Variants in EPHA8 observed in about 807,000 individuals in gnomAD.
EPHA8 encodes the protein ephrin type-A receptor 8.
A neutral mutation model predicts 103.6 loss-of-function variants in EPHA8; 58 were observed. The ratio of observed to expected loss-of-function variants is 0.56; its 90% CI spans 0.45 to 0.70. The LOEUF is 0.70. EPHA8 is among the 30% of genes least tolerant of loss of function. The probability of loss-of-function intolerance (pLI) is 0.00; values close to 1 mark genes in which losing one functional copy is unlikely to be tolerated. For synonymous variants in EPHA8, 559 were observed against 572.5 expected, an observed-to-expected ratio of 0.98 and a Z score of 0.34; for missense variants, 1,304 against 1,395.2, an observed-to-expected ratio of 0.93 and a Z score of 1.04.
In EPHA8 at chr1:22,597,342, A is replaced by AC; in HGVS notation, c.1802dup (p.Leu604AlafsTer31). 4 of 1,590,230 alleles carry AC rather than the reference A, an allele frequency of 2.5e-6. No homozygotes were observed. The highest frequency in any genetic ancestry group is 1.4e-5 in the African/African-American group (1 of 72,272). ...CCACCTGTCTTCCTGCCTCTGCATC[A>AC]CCCCCCGGGAAAGCTCCCAGAGCCC... On this transcript the variant is annotated frameshift_variant, in exon 10 of 17. Coordinates refer to ENST00000166244, the MANE Select transcript of EPHA8 (RefSeq NM_020526.5). LOFTEE classifies it high-confidence loss of function. The surrounding 1 kb of genome is among the most constrained non-coding windows in gnomAD (Gnocchi z 4.6).
rs1005594042 is a variant in EPHA8, at chr1:22,598,291, C to T, written c.2178+79C>T. On this transcript the variant is annotated intron_variant, in intron 12 of 16. Transcript: ENST00000166244. The surrounding 1 kb of genome is among the most constrained non-coding windows in gnomAD (Gnocchi z 5.1). ...GGGTGCTGGGAGATAGTGCAAAGCC[C>T]TCTAAGCCCCCTCCCTGGCTTGGAC... 7.1e-7 allele frequency: 1 copy of T among 1,412,852 alleles called. No homozygotes were observed. The highest frequency in any genetic ancestry group is 1.4e-5 in the African/African-American group (1 of 70,376). 87.5% of individuals were successfully genotyped at this position (1,412,852 alleles called of 1,614,324 possible).
rs1206811855 is a variant in EPHA8, at chr1:22,594,559, G to A, written c.1604-671G>A. Among the ~76,000 whole-genome samples the A allele has an allele frequency of 9.2e-5, 14 of 152,350 alleles. No individual in the cohort carries two copies. The East Asian group carries it at 2.7e-3, about 29-fold the overall frequency. Reference sequence around the variant, plus strand: ...TTTGGGACCCTCTGACTTCGAGGCTGTCCCTTTCACTCTCCTCCTGCCCCA... The same window carrying A: ...TTTGGGACCCTCTGACTTCGAGGCTATCCCTTTCACTCTCCTCCTGCCCCA... On this transcript the variant is annotated intron_variant, in intron 7 of 16. Transcript: ENST00000166244.
Position 22,588,988 on chromosome 1 carries a change from G to A in EPHA8, c.1097G>A (p.Cys366Tyr). The A allele has an allele frequency of 6.2e-7, 1 of 1,613,130 alleles. No individual in the cohort carries two copies. Among genetic ancestry groups the A allele is most frequent in the Non-Finnish European group, 8.5e-7 (1 of 1,179,706 alleles). Residue 366 changes from cysteine (C) to tyrosine (Y), a missense_variant, in exon 5 of 17, where the codon TGC (cysteine) becomes TAC (tyrosine). Cys to Tyr is a radical substitution (Grantham distance 194, BLOSUM62 -2). Transcript: ENST00000166244. ...AGTGACATCACCTACAATGCCGTGT[G>A]CCGCCGCTGCCCCTGGGCACTGAGC... ...GRSDITYNAV[C>Y]RRCPWALSRC...
intron 4 of EPHA8, among the ~76,000 whole-genome samples, chr1:22,587,235 ATG>A (rs1176984788): frequency 1.3e-5 from 2 of 152,334 alleles, no homozygotes; most frequent in Non-Finnish European, 2.9e-5. Context: ...CTGCATGTAA[ATG>A]TGTGACGTGT....
chr1:22,590,955 C>G (rs886602889), intron 5 of EPHA8, among the ~76,000 whole-genome samples: 1 of 151,946 alleles, frequency 6.6e-6, no homozygotes, highest in Non-Finnish European at 1.5e-5. Context: ...ATCCATCCCC[C>G]CCTAAAGCCC....
rs369841248 is a variant in EPHA8 at position 22,574,098 on chromosome 1, C to T, written c.160-2119C>T. The stretch of plus-strand genomic sequence containing the variant: ...GGTTCACGCCATTCTCCTGCCTCAG[C>T]CTCCTGAGTAGCTGGGACTACAGGC... On this transcript the variant is annotated intron_variant, in intron 2 of 16. Coordinates refer to ENST00000166244, the MANE Select transcript of EPHA8 (RefSeq NM_020526.5). Among the ~76,000 whole-genome samples the T allele has an allele frequency of 5.9e-5, 9 of 152,356 alleles. No individual in the cohort carries two copies. In the South Asian group the frequency reaches 1.9e-3, roughly 32 times the overall value.
At chr1:22,585,967 C>T (rs1641192279) in intron 3 of EPHA8, among the ~76,000 whole-genome samples, 1 of 151,960 alleles carries the variant, frequency 6.6e-6, no homozygotes, top group African/African-American at 2.4e-5. Flanking sequence ...TACCAGGTGT[C>T]CCCCCCCTTT....
At chr1:22,585,341 A>G (rs567711) in intron 3 of EPHA8, among the ~76,000 whole-genome samples, 50,112 of 152,128 alleles carry the variant, frequency 0.33, 10,623 homozygotes, top group African/African-American at 0.61. Flanking sequence ...CCTGTGAGGC[A>G]TGAAACAGGC....
In EPHA8 at chr1:22,564,059, G is replaced by A. The variant is rs1312543828; in HGVS notation, c.94+330G>A. 3.3e-5 allele frequency among the ~76,000 whole-genome samples: 5 copies of A among 151,666 alleles called. No homozygotes were observed. In the East Asian group the frequency reaches 9.8e-4, roughly 30 times the overall value. On this transcript the variant is annotated intron_variant, in intron 1 of 16. Coordinates refer to ENST00000166244, the MANE Select transcript of EPHA8 (RefSeq NM_020526.5). ...GACAAGGGGACAGGACTGGACAGAA[G>A]ACAAGAGAAGAGGTAAGGAGGAGAG...
At chr1:22,601,251 C>G (rs1315958213) in intron 15 of EPHA8, 49 bp from the exon 16 acceptor site, 2 of 1,556,684 alleles carry the variant, frequency 1.3e-6, no homozygotes, top group Non-Finnish European at 1.7e-6. Flanking sequence ...TTCTGGGGGT[C>G]CAGCCTCCCG....
At chr1:22,575,250 CTTATTA>C (rs5773011) in intron 2 of EPHA8, among the ~76,000 whole-genome samples, 26,876 of 152,006 alleles carry the variant, frequency 0.18, 2,606 homozygotes, top group African/African-American at 0.27. Context: ...CGCACCTGGC[CTTATTA>C]TTATTGTTTT....
intron 3 of EPHA8, among the ~76,000 whole-genome samples, chr1:22,580,382 G>T (rs946252936): frequency 2.0e-5 from 3 of 151,772 alleles, no homozygotes; most frequent in African/African-American, 4.8e-5. Context: ...CAAGTGATCC[G>T]CCTGCCTCGG....
At chr1:22,565,742 C>T (rs1640340444) in intron 1 of EPHA8, among the ~76,000 whole-genome samples, 2 of 152,136 alleles carry the variant, frequency 1.3e-5, no homozygotes. Flanking sequence ...TGGGGGCCAG[C>T]AGCTGAGGAA....
rs756103809 is a variant in EPHA8, at chr1:22,586,677, CTG to C, written c.979+43_979+44del. 1.9e-6 allele frequency: 3 copies of C among 1,601,840 alleles called. No homozygotes were observed. In the African/African-American group the frequency reaches 4.0e-5, roughly 21 times the overall value. The stretch of plus-strand genomic sequence containing the variant: ...GATGCCAGTACCCTTGAGCCCAAGA[CTG>C]GGCCGGGCCCCTGTGTTTGGTCCTC... On this transcript the variant is annotated intron_variant, in intron 4 of 16. Transcript: ENST00000166244.
chr1:22,598,632 C>T lies in EPHA8; in HGVS notation c.2179-206C>T, dbSNP rs1641588738. Among the ~76,000 whole-genome samples the T allele has an allele frequency of 1.3e-5, 2 of 152,174 alleles. No individual in the cohort carries two copies. ...AAATGGGTAAGCAGTCATTGCTGCC[C>T]CACGTACCTCGCAGGGTTGCTGTGA... On this transcript the variant is annotated intron_variant, in intron 12 of 16. Coordinates refer to ENST00000166244, the MANE Select transcript of EPHA8 (RefSeq NM_020526.5). This position sits in a 1 kb window ranked among gnomAD's most constrained non-coding sequence, Gnocchi z 5.1.
rs749956226 is a variant in EPHA8 at position 22,569,395 on chromosome 1, CAG to C, written c.159+49_159+50del. On this transcript the variant is annotated intron_variant, in intron 2 of 16. Transcript: ENST00000166244. This position sits in a 1 kb window ranked among gnomAD's most constrained non-coding sequence, Gnocchi z 4.5. ...GGGGACAACGTCATCCCTCTGTGAG[CAG>C]AGAGAGGCTGCCACTCACAGAGTCT... 1 of 1,535,896 alleles carries C rather than the reference CAG, an allele frequency of 6.5e-7. No homozygotes were observed. Among genetic ancestry groups the C allele is most frequent in the Non-Finnish European group, 8.8e-7 (1 of 1,139,378 alleles).
At position 22,597,291 on chromosome 1, in the gene EPHA8, G is replaced by A; in HGVS notation, c.1766-21G>A. 6.3e-7 allele frequency: 1 copy of A among 1,580,006 alleles called. No individual in the cohort carries two copies. The highest frequency in any genetic ancestry group is 8.7e-7 in the Non-Finnish European group (1 of 1,155,328). Reference sequence around the variant, plus strand: ...GCAATCTCTCCTGGGCCCCACTGAAGGCCCTCCTCCCGCCCCTCAGCACCC... The same window carrying A: ...GCAATCTCTCCTGGGCCCCACTGAAAGCCCTCCTCCCGCCCCTCAGCACCC... On this transcript the variant is annotated intron_variant, in intron 9 of 16. Coordinates refer to ENST00000166244, the MANE Select transcript of EPHA8 (RefSeq NM_020526.5). The surrounding 1 kb of genome is among the most constrained non-coding windows in gnomAD (Gnocchi z 4.6).
rs1420246318 is a variant in EPHA8, at chr1:22,598,717, AC to A, written c.2179-120del. 1.0e-6 allele frequency: 1 copy of A among 973,478 alleles called. No individual in the cohort carries two copies. Among genetic ancestry groups the A allele is most frequent in the Non-Finnish European group, 1.5e-6 (1 of 653,372 alleles). The allele number at this position is 973,478 out of a possible 1,614,324, so 60.3% of individuals were successfully genotyped here. A position where few individuals can be genotyped will look rare whatever the true frequency, so the allele number is the denominator to read the frequency against. On this transcript the variant is annotated intron_variant, in intron 12 of 16. Coordinates refer to ENST00000166244, the MANE Select transcript of EPHA8 (RefSeq NM_020526.5). The surrounding 1 kb of genome is among the most constrained non-coding windows in gnomAD (Gnocchi z 5.1). ...CAAAGTGCTTCAGAAGTAGTGGCGC[AC>A]TTGGCAAATTGCAAAGCACCGTCTC...
intron 3 of EPHA8, among the ~76,000 whole-genome samples, chr1:22,578,653 G>A (rs1198127310): frequency 1.4e-5 from 2 of 146,704 alleles, no homozygotes; most frequent in Admixed American, 6.8e-5. Flanking sequence ...GTATGTGTGT[G>A]CATGTGAGTG....
Sources: allele counts gnomAD v4.1 joint callset (sites outside exome capture counted in the v4.1 genomes callset), GRCh38; gene constraint gnomAD v4.1.1; non-coding constraint Gnocchi (gnomAD v3.1); transcripts MANE v1.5; gene names NCBI Gene and HGNC (gene_info 2026-07-23, HGNC 2026-07-21).